The following GTF2F2 variants were observed in gnomAD, a reference collection of about 807,000 sequenced individuals.
GTF2F2 encodes the protein general transcription factor IIF subunit 2, also known as ATP-dependent helicase GTF2F2.
Under a neutral mutation model 42.2 loss-of-function variants are expected in GTF2F2, and 23 were observed. The ratio of observed to expected loss-of-function variants is 0.55; its 90% CI spans 0.39 to 0.77. GTF2F2 has a LOEUF of 0.77. Among genes scored for constraint, GTF2F2 ranks in the 30% least tolerant of loss-of-function variants. The pLI, the probability that GTF2F2 is intolerant of heterozygous loss-of-function variation, is 0.00. For synonymous variants in GTF2F2, 105 were observed against 100.8 expected, an observed-to-expected ratio of 1.04 and a Z score of -0.25; for missense variants, 261 against 287.2, an observed-to-expected ratio of 0.91 and a Z score of 0.66.
intron 5 of GTF2F2, among the ~76,000 whole-genome samples, chr13:45,223,262 T>TAAA (rs60690884): frequency 0.038 from 3,609 of 95,844 alleles, 92 homozygotes; most frequent in African/African-American, 0.067. Context: ...CTTGTCTCAA[T>TAAA]AAAAAAAAAA....
Position 45,228,283 on chromosome 13 carries a change from C to CTTTTTTTTTTTTTTTTTTTTTTTT in GTF2F2, c.386+20794_386+20795insTTTTTTTTTTTTTTTTTTTTTTTT, listed in dbSNP as rs372901327. Among the ~76,000 whole-genome samples, 107 of 92,688 alleles carry CTTTTTTTTTTTTTTTTTTTTTTTT rather than the reference C, an allele frequency of 1.2e-3. 12 individuals carry two copies. Among genetic ancestry groups the CTTTTTTTTTTTTTTTTTTTTTTTT allele is most frequent in the African/African-American group, 3.5e-3 (61 of 17,632 alleles). 60.8% of individuals were successfully genotyped at this position (92,688 alleles called of 152,430 possible). ...TTTCCTTATTGCTGCCAGAGTTAAT[C>CTTTTTTTTTTTTTTTTTTTTTTTT]TTTTTTTTTTTTTTTTGGAGACGGA... On this transcript the variant is annotated intron_variant, in intron 5 of 7. Transcript: ENST00000340473.
At chr13:45,242,339 C>T (rs554046243) in intron 5 of GTF2F2, among the ~76,000 whole-genome samples, 1 of 147,424 alleles carries the variant, frequency 6.8e-6, no homozygotes, top group South Asian at 2.2e-4. Context: ...AGTAACTCTA[C>T]TGCTCTTCCT....
At chr13:45,144,599 G>C (rs970761817) in intron 2 of GTF2F2, among the ~76,000 whole-genome samples, 2 of 151,026 alleles carry the variant, frequency 1.3e-5, no homozygotes, top group Non-Finnish European at 2.9e-5. Flanking sequence ...CCGCCACCAC[G>C]ACTGGCTAAT....
rs546673164 is a variant in GTF2F2, at chr13:45,215,516, T to C, written c.386+8011T>C. Among the ~76,000 whole-genome samples, 5 of 152,284 alleles carry C rather than the reference T, an allele frequency of 3.3e-5. No homozygotes were observed. The East Asian group carries it at 9.7e-4, about 29-fold the overall frequency. On this transcript the variant is annotated intron_variant, in intron 5 of 7. Transcript: ENST00000340473. ...GGCTCATGCCAGTAATCCCAGGACT[T>C]TGGGAGGCTGAGGCGAGTGGATCAC...
chr13:45,231,273 A>C (rs1874667485), intron 5 of GTF2F2, among the ~76,000 whole-genome samples: 1 of 151,786 alleles, frequency 6.6e-6, no homozygotes, highest in Admixed American at 6.6e-5. Flanking sequence ...ACGCCCAGCT[A>C]ATTTTTGTAT....
In GTF2F2 at chr13:45,186,254, C is replaced by T. The variant is rs973083578; in HGVS notation, c.305-21170C>T. ...CCTCCCAAAGTGCTGAGATTACAGG[C>T]GTGAGCCCCGGCACCTGGCCTATTT... is the stretch of plus-strand genomic sequence containing the variant. On this transcript the variant is annotated intron_variant, in intron 4 of 7. Transcript: ENST00000340473. Among the ~76,000 whole-genome samples the T allele has an allele frequency of 2.2e-3, 323 of 149,824 alleles. 1 individual carries two copies. The highest frequency in any genetic ancestry group is 7.8e-3 in the African/African-American group (318 of 40,620).
At chr13:45,160,363 T>A (rs1446703277) in intron 4 of GTF2F2, among the ~76,000 whole-genome samples, 2 of 152,216 alleles carry the variant, frequency 1.3e-5, no homozygotes, top group Non-Finnish European at 2.9e-5. Flanking sequence ...TTGTGGACAT[T>A]CTTTTGCTAC....
At chr13:45,183,159 G>T (rs550036958) in intron 4 of GTF2F2, among the ~76,000 whole-genome samples, 47 of 152,244 alleles carry the variant, frequency 3.1e-4, no homozygotes, top group Admixed American at 2.9e-3. Flanking sequence ...CTTGGTTGCT[G>T]TGTGACTGCA....
chr13:45,192,844 T>A (rs1303674424), intron 4 of GTF2F2: 1 of 152,184 alleles, frequency 6.6e-6, no homozygotes, highest in Non-Finnish European at 1.5e-5. Context: ...GAACAGATAC[T>A]TAGGATGATT....
chr13:45,194,409 C>T (rs1566130722), intron 4 of GTF2F2: 1 of 1,614,146 alleles, frequency 6.2e-7, no homozygotes, highest in Non-Finnish European at 8.5e-7. Context: ...TGTCTGGGTA[C>T]TTGGTCAGTG....
intron 2 of GTF2F2, among the ~76,000 whole-genome samples, chr13:45,141,377 A>G (rs1221126943): frequency 6.6e-6 from 1 of 152,240 alleles, no homozygotes; most frequent in East Asian, 1.9e-4. Flanking sequence ...CAGATGGTCC[A>G]CATAGTTGCT....
intron 5 of GTF2F2, among the ~76,000 whole-genome samples, chr13:45,228,691 A>C (rs1874506266): frequency 1.5e-5 from 1 of 66,968 alleles, no homozygotes; most frequent in South Asian, 3.3e-4. Context: ...TTTTTTTGAG[A>C]CGGAGTTTTG....
At chr13:45,212,171 A>G (rs1873677709) in intron 5 of GTF2F2, among the ~76,000 whole-genome samples, 1 of 152,210 alleles carries the variant, frequency 6.6e-6, no homozygotes, top group Non-Finnish European at 1.5e-5. Flanking sequence ...TAAGTCTGAG[A>G]TATTCTATAC....
intron 7 of GTF2F2, among the ~76,000 whole-genome samples, chr13:45,276,663 G>A (rs2138275641): frequency 6.6e-6 from 1 of 152,096 alleles, no homozygotes; most frequent in South Asian, 2.1e-4. Flanking sequence ...CTGGTCTCGA[G>A]CTCCTGACCT....
intron 2 of GTF2F2, among the ~76,000 whole-genome samples, chr13:45,143,289 A>G (rs1870023639): frequency 6.6e-6 from 1 of 152,180 alleles, no homozygotes; most frequent in African/African-American, 2.4e-5. Flanking sequence ...AAAAATGTGT[A>G]TTTGGGTACA....
chr13:45,249,495 A>C (rs1292870524), intron 5 of GTF2F2, among the ~76,000 whole-genome samples: 1 of 152,222 alleles, frequency 6.6e-6, no homozygotes, highest in African/African-American at 2.4e-5. Flanking sequence ...TTAAAATTGA[A>C]AGGAAAGTAT....
chr13:45,127,448 C>T (rs1869077072), intron 1 of GTF2F2, among the ~76,000 whole-genome samples: 2 of 151,956 alleles, frequency 1.3e-5, no homozygotes, highest in African/African-American at 4.8e-5. Context: ...GCCTCAGCCT[C>T]CTGAGTAGCT....
At chr13:45,226,756 C>T (rs556488559) in intron 5 of GTF2F2, among the ~76,000 whole-genome samples, 3 of 152,262 alleles carry the variant, frequency 2.0e-5, no homozygotes, top group Admixed American at 6.5e-5. Context: ...TTCAAAAACA[C>T]AGCTGTCTAT....
intron 2 of GTF2F2, among the ~76,000 whole-genome samples, chr13:45,144,966 AC>A (rs1242383261): frequency 6.6e-6 from 1 of 152,174 alleles, no homozygotes; most frequent in Non-Finnish European, 1.5e-5. Flanking sequence ...GCTCAAAACA[AC>A]ATAGAATAAC....
Sources: gnomAD v4.1 joint callset for allele counts (sites outside exome capture counted in the v4.1 genomes callset) on GRCh38, gnomAD v4.1.1 for gene constraint, MANE v1.5 for transcripts, NCBI Gene and HGNC (gene_info 2026-07-23, HGNC 2026-07-21) for gene names.